Variants in CACNA2D3 observed in about 807,000 individuals in gnomAD.
CACNA2D3 encodes the protein voltage-dependent calcium channel subunit alpha-2/delta-3.
A neutral mutation model predicts 160.6 loss-of-function variants in CACNA2D3; 60 were observed. That is an observed-to-expected ratio of 0.37 (90% CI 0.30 to 0.46). The LOEUF (loss-of-function observed/expected upper bound fraction) is 0.46. CACNA2D3 is among the 20% of genes least tolerant of loss of function. CACNA2D3 has a pLI of 1.00. For missense variants in CACNA2D3, 1,205 were observed against 1,365.0 expected (o/e 0.88, Z 1.85); for synonymous variants, 558 against 492.9 (o/e 1.13, Z -1.75).
intron 11 of CACNA2D3, among the ~76,000 whole-genome samples, chr3:54,678,635 C>T (rs915079445): frequency 7.2e-6 from 1 of 139,062 alleles, no homozygotes; most frequent in East Asian, 2.2e-4. Flanking sequence ...GCAGAAGAAT[C>T]GCTTGAAGCC....
chr3:54,965,081 A>T (rs1702118597), intron 27 of CACNA2D3, among the ~76,000 whole-genome samples: 1 of 152,196 alleles, frequency 6.6e-6, no homozygotes, highest in Non-Finnish European at 1.5e-5. Flanking sequence ...GACCAATAGT[A>T]AATAACTGAG....
intron 13 of CACNA2D3, among the ~76,000 whole-genome samples, chr3:54,766,917 G>T (rs1283765565): frequency 6.7e-6 from 1 of 149,124 alleles, no homozygotes; most frequent in African/African-American, 2.5e-5. Context: ...AGATAGATAT[G>T]TAATTACTTA....
intron 4 of CACNA2D3, among the ~76,000 whole-genome samples, chr3:54,456,976 G>A (rs1700410043): frequency 6.6e-6 from 1 of 150,996 alleles, no homozygotes; most frequent in Non-Finnish European, 1.5e-5. Flanking sequence ...GCTTACTTGG[G>A]TCTTTTTTTT....
chr3:54,341,614 C>T (rs539016175), intron 3 of CACNA2D3, among the ~76,000 whole-genome samples: 1 of 152,250 alleles, frequency 6.6e-6, no homozygotes, highest in African/African-American at 2.4e-5. Flanking sequence ...TACTAGCGTC[C>T]CCTTCTTTCA....
intron 13 of CACNA2D3, among the ~76,000 whole-genome samples, chr3:54,769,321 G>T (rs1702276837): frequency 6.6e-6 from 1 of 152,112 alleles, no homozygotes; most frequent in Non-Finnish European, 1.5e-5. Flanking sequence ...TAATGAAAGA[G>T]ACTAGACTCC....
intron 4 of CACNA2D3, among the ~76,000 whole-genome samples, chr3:54,462,967 C>T (rs1157971358): frequency 1.3e-5 from 2 of 149,634 alleles, no homozygotes; most frequent in Admixed American, 6.7e-5. Flanking sequence ...TTAGGGCAGG[C>T]CTGGTGGTGA....
At chr3:54,694,177 C>A (rs1258525651) in intron 11 of CACNA2D3, among the ~76,000 whole-genome samples, 1 of 152,146 alleles carries the variant, frequency 6.6e-6, no homozygotes, top group Admixed American at 6.6e-5. Flanking sequence ...TTTCCGATAT[C>A]TTTTCTATGT....
chr3:54,427,671 C>T (rs1462314871), intron 4 of CACNA2D3, among the ~76,000 whole-genome samples: 5 of 152,160 alleles, frequency 3.3e-5, no homozygotes, highest in Admixed American at 6.5e-5. Context: ...CAGTGCGGAG[C>T]GTCTAGTCTA....
At chr3:54,380,424 G>A (rs1013298662) in intron 3 of CACNA2D3, among the ~76,000 whole-genome samples, 1 of 152,206 alleles carries the variant, frequency 6.6e-6, no homozygotes, top group Non-Finnish European at 1.5e-5. Flanking sequence ...GACAAATGGT[G>A]TAACTCCAAC....
intron 2 of CACNA2D3, among the ~76,000 whole-genome samples, chr3:54,211,906 G>A (rs1365531192): frequency 6.6e-6 from 1 of 152,112 alleles, no homozygotes; most frequent in African/African-American, 2.4e-5. Context: ...TAAAAATGGA[G>A]AGCAAGGTGC....
intron 35 of CACNA2D3, among the ~76,000 whole-genome samples, chr3:55,067,753 A>G (rs1559478853): frequency 6.6e-6 from 1 of 152,096 alleles, no homozygotes; most frequent in Non-Finnish European, 1.5e-5. Context: ...ACATAAAGAC[A>G]GAGCGATAGA....
intron 18 of CACNA2D3, among the ~76,000 whole-genome samples, chr3:54,878,147 C>T (rs1170775489): frequency 2.0e-5 from 3 of 152,028 alleles, no homozygotes; most frequent in Non-Finnish European, 2.9e-5. Flanking sequence ...AGTTTTCTAT[C>T]GGCCAGATCT....
At chr3:54,896,683 G>A (rs1290206810) in intron 25 of CACNA2D3, 66 bp from the exon 26 acceptor site, 1 of 1,603,278 alleles carries the variant, frequency 6.2e-7, no homozygotes, top group African/African-American at 1.3e-5. Context: ...AGGCTGTCGG[G>A]GTGCTCCAGG....
chr3:54,533,091 C>G (rs1167064135), intron 5 of CACNA2D3, among the ~76,000 whole-genome samples: 1 of 152,122 alleles, frequency 6.6e-6, no homozygotes, highest in Non-Finnish European at 1.5e-5. Flanking sequence ...AGCAGACTTG[C>G]CCTCCTACCT....
At chr3:54,376,826 C>T (rs1016718210) in intron 3 of CACNA2D3, among the ~76,000 whole-genome samples, 1 of 152,098 alleles carries the variant, frequency 6.6e-6, no homozygotes, top group African/African-American at 2.4e-5. Context: ...GGGGCTGTTC[C>T]CTGGACCAAC....
intron 26 of CACNA2D3, among the ~76,000 whole-genome samples, chr3:54,898,192 T>C (rs1409752765): frequency 1.0e-4 from 11 of 106,256 alleles, no homozygotes; most frequent in African/African-American, 3.8e-4. Flanking sequence ...TTTTCTTTTC[T>C]TTTCCTCTCT....
Position 54,987,665 on chromosome 3 carries a change from A to G in CACNA2D3, c.2620-18A>G, listed in dbSNP as rs367979040. ...ACATTATTTATCTACACCTCCTCATATGTCTTCTTCCCCATAGACTGGAGA... is the reference window on the plus strand; with the variant it reads ...ACATTATTTATCTACACCTCCTCATGTGTCTTCTTCCCCATAGACTGGAGA... On this transcript the variant is annotated intron_variant, in intron 30 of 37. Transcript: ENST00000474759. The G allele has an allele frequency of 1.8e-5, 28 of 1,560,450 alleles. No homozygotes were observed. Among genetic ancestry groups the G allele is most frequent in the Non-Finnish European group, 2.4e-5 (28 of 1,146,398 alleles).
intron 4 of CACNA2D3, among the ~76,000 whole-genome samples, chr3:54,432,205 T>C (rs7433338): frequency 1 from 152,107 of 152,322 alleles, 75,947 homozygotes; most frequent in Middle Eastern, 1. Flanking sequence ...CTGTAAATCA[T>C]CAGAATAATA....
chr3:54,152,146 C>G (rs1177882471), intron 2 of CACNA2D3, among the ~76,000 whole-genome samples: 1 of 152,228 alleles, frequency 6.6e-6, no homozygotes, highest in Non-Finnish European at 1.5e-5. Context: ...TCTTGGGACA[C>G]TGAGCTCCTT....
Sources: allele counts gnomAD v4.1 joint callset (sites outside exome capture counted in the v4.1 genomes callset), GRCh38; gene constraint gnomAD v4.1.1; transcripts MANE v1.5; gene names NCBI Gene and HGNC (gene_info 2026-07-23, HGNC 2026-07-21).